GMPS: variants seen among roughly 807,000 people sequenced by gnomAD.
GMPS encodes guanosine monophosphate synthase, also known as GMP synthase [glutamine-hydrolyzing].
A neutral mutation model predicts 77.9 loss-of-function variants in GMPS; 15 were observed. The ratio of observed to expected loss-of-function variants is 0.19; its 90% CI spans 0.13 to 0.30. GMPS has a LOEUF of 0.30. Ranked by LOEUF, GMPS falls within the 10% of genes least tolerant of loss-of-function variation. GMPS has a pLI of 1.00. For synonymous variants in GMPS, 224 were observed against 275.9 expected, an observed-to-expected ratio of 0.81 and a Z score of 1.86; for missense variants, 590 against 838.8, an observed-to-expected ratio of 0.70 and a Z score of 3.66.
At position 155,939,946 on chromosome 3, in the gene GMPS, T is replaced by C. The variant is rs1399858967; in HGVS notation, c.*2254T>C. On this transcript the variant is annotated 3_prime_UTR_variant, in exon 16 of 16. Coordinates refer to ENST00000496455, the MANE Select transcript of GMPS (RefSeq NM_003875.3). The stretch of plus-strand genomic sequence containing the variant: ...CCTTAGGCATGGTTACTTAATTAAT[T>C]TCAGAATTAAATTTCAGGTTTCCTT... 4.9e-6 allele frequency: 1 copy of C among 202,324 alleles called. No individual in the cohort carries two copies. Among genetic ancestry groups the C allele is most frequent in the African/African-American group, 2.3e-5 (1 of 43,682 alleles). The allele number at this position is 202,324 out of a possible 1,614,324, so 12.5% of individuals were successfully genotyped here.
chr3:155,886,810 G>C (rs913535282), intron 1 of GMPS, among the ~76,000 whole-genome samples: 1 of 151,818 alleles, frequency 6.6e-6, no homozygotes, highest in African/African-American at 2.4e-5. Flanking sequence ...CCGGCCTCCT[G>C]ATGACTTAGC....
chr3:155,882,629 A>T (rs1238160623), intron 1 of GMPS, among the ~76,000 whole-genome samples: 2 of 152,256 alleles, frequency 1.3e-5, no homozygotes, highest in Non-Finnish European at 2.9e-5. Flanking sequence ...ATTTCTAGAC[A>T]AATGAAAATT....
intron 1 of GMPS, among the ~76,000 whole-genome samples, chr3:155,877,602 A>G (rs1051490762): frequency 7.2e-5 from 11 of 152,076 alleles, no homozygotes; most frequent in Admixed American, 5.9e-4. Context: ...CTGTCTGTAG[A>G]TTTGCCAATT....
In GMPS at chr3:155,938,084, T is replaced by TA; in HGVS notation, c.*393dup. ...AGAAACGCCCATTATTTACCAGTGT[T>TA]ACTTACTACTTATATATACTTTTTG... On this transcript the variant is annotated 3_prime_UTR_variant, in exon 16 of 16. Coordinates refer to ENST00000496455, the MANE Select transcript of GMPS (RefSeq NM_003875.3). 1 of 238,160 alleles carries TA rather than the reference T, an allele frequency of 4.2e-6. No homozygotes were observed. Among genetic ancestry groups the TA allele is most frequent in the Non-Finnish European group, 8.2e-6 (1 of 121,224 alleles). 14.8% of individuals were successfully genotyped at this position (238,160 alleles called of 1,614,324 possible). A position where few individuals can be genotyped will look rare whatever the true frequency, so the allele number is the denominator to read the frequency against.
chr3:155,900,802 T>C (rs905085844), intron 3 of GMPS, among the ~76,000 whole-genome samples: 1 of 152,154 alleles, frequency 6.6e-6, no homozygotes, highest in African/African-American at 2.4e-5. Flanking sequence ...AATTTGTCCT[T>C]CCATAAAATA....
intron 9 of GMPS, among the ~76,000 whole-genome samples, chr3:155,916,717 C>T (rs1393617796): frequency 6.6e-6 from 1 of 152,136 alleles, no homozygotes; most frequent in African/African-American, 2.4e-5. Flanking sequence ...ATAAGTAATG[C>T]CGCCATGAAT....
chr3:155,902,934 C>T (rs747636659), intron 3 of GMPS, among the ~76,000 whole-genome samples: 7 of 152,082 alleles, frequency 4.6e-5, no homozygotes, highest in Non-Finnish European at 8.8e-5. Flanking sequence ...GAGTTCAAAC[C>T]TTTATTGTGG....
Position 155,903,487 on chromosome 3 carries a change from C to T in GMPS, c.325-376C>T, listed in dbSNP as rs143329595. Among the ~76,000 whole-genome samples the T allele has an allele frequency of 5.7e-3, 871 of 152,300 alleles. 13 individuals carry two copies. Among genetic ancestry groups the T allele is most frequent in the African/African-American group, 0.02 (815 of 41,564 alleles). ...TCTGGTACAAGGTTCTTGTTGTCTG[C>T]TGTATCTTTTTCTAAACTCAGAATA... On this transcript the variant is annotated intron_variant, in intron 3 of 15. Coordinates refer to ENST00000496455, the MANE Select transcript of GMPS (RefSeq NM_003875.3).
intron 8 of GMPS, among the ~76,000 whole-genome samples, chr3:155,914,918 A>G (rs1577523442): frequency 6.6e-6 from 1 of 151,830 alleles, no homozygotes; most frequent in Admixed American, 6.6e-5. Context: ...ACAGGGGTGC[A>G]CCATCATGCC....
chr3:155,870,246 G>C (rs1471187436), upstream of GMPS, among the ~76,000 whole-genome samples: 2 of 152,272 alleles, frequency 1.3e-5, no homozygotes, highest in Non-Finnish European at 2.9e-5. Context: ...GTTCCGCCAG[G>C]GGCCCAGCTC....
rs1010600494 is a variant in GMPS at position 155,941,267 on chromosome 3, G to A, written c.*3575G>A. Reference sequence around the variant, plus strand: ...AAAATACAACAAATTAGCTGGGCGCGGTGGCGGGTGCCTGTAGTCCCAGCT... The same window carrying A: ...AAAATACAACAAATTAGCTGGGCGCAGTGGCGGGTGCCTGTAGTCCCAGCT... On this transcript the variant is annotated 3_prime_UTR_variant, in exon 16 of 16. Transcript: ENST00000496455. 7.9e-5 allele frequency: 14 copies of A among 176,398 alleles called. No homozygotes were observed. The highest frequency in any genetic ancestry group is 4.4e-4 in the Admixed American group (7 of 15,742). 10.9% of individuals were successfully genotyped at this position (176,398 alleles called of 1,614,324 possible).
intron 1 of GMPS, among the ~76,000 whole-genome samples, chr3:155,884,672 T>A (rs73873440): frequency 0.02 from 3,118 of 152,224 alleles, 130 homozygotes; most frequent in African/African-American, 0.071. Context: ...TAATAGAGAA[T>A]TGTTCTATTT....
intron 6 of GMPS, 28 bp downstream of exon 6, chr3:155,910,913 C>T (rs755498486): frequency 7.0e-7 from 1 of 1,422,412 alleles, no homozygotes; most frequent in East Asian, 2.3e-5. Flanking sequence ...TGGAAGTCTA[C>T]AAATTTATAT....
chr3:155,937,739 A>T lies in GMPS; in HGVS notation c.*47A>T, dbSNP rs1755795935. On this transcript the variant is annotated 3_prime_UTR_variant, in exon 16 of 16. Coordinates refer to ENST00000496455, the MANE Select transcript of GMPS (RefSeq NM_003875.3). ...GTACCGTGTGCAGTTTAAATTGATT[A>T]GAAATCATTCCCATTATTGACATGC... The T allele has an allele frequency of 1.2e-6, 1 of 850,554 alleles. No individual in the cohort carries two copies. The highest frequency in any genetic ancestry group is 2.0e-6 in the Non-Finnish European group (1 of 495,356). 52.7% of individuals were successfully genotyped at this position (850,554 alleles called of 1,614,324 possible).
chr3:155,915,379 A>T (rs2108111540), intron 8 of GMPS, among the ~76,000 whole-genome samples: 1 of 151,956 alleles, frequency 6.6e-6, no homozygotes, highest in East Asian at 1.9e-4. Context: ...CTGGGATTAC[A>T]GGCATGCACC....
chr3:155,891,604 C>CTTTTTTTT (rs35759331), intron 1 of GMPS, among the ~76,000 whole-genome samples: 1 of 127,872 alleles, frequency 7.8e-6, no homozygotes, highest in Non-Finnish European at 1.6e-5. Context: ...TTGTTTGTTA[C>CTTTTTTTT]TTTTTTTTTT....
At chr3:155,874,242 T>C (rs1368660421) in intron 1 of GMPS, among the ~76,000 whole-genome samples, 36 of 152,232 alleles carry the variant, frequency 2.4e-4, no homozygotes, top group Admixed American at 2.3e-3. Context: ...TTCCCCTGTC[T>C]AAGGGTGAAA....
chr3:155,942,972 T>G lies in GMPS; in HGVS notation c.*5280T>G, dbSNP rs1755928428. 1 of 184,276 alleles carries G rather than the reference T, an allele frequency of 5.4e-6. No homozygotes were observed. The highest frequency in any genetic ancestry group is 6.2e-5 in the Admixed American group (1 of 16,028). 11.4% of individuals were successfully genotyped at this position (184,276 alleles called of 1,614,324 possible). A position where few individuals can be genotyped will look rare whatever the true frequency, so the allele number is the denominator to read the frequency against. ...GTGACCAGGCACAGTGGCGCATGCC[T>G]GTAATCCCAGCACTTTGGGAGGCCG... is the stretch of plus-strand genomic sequence containing the variant. On this transcript the variant is annotated 3_prime_UTR_variant, in exon 16 of 16. Transcript: ENST00000496455.
At chr3:155,920,383 G>T (rs1553787485) in intron 10 of GMPS, among the ~76,000 whole-genome samples, 1 of 151,938 alleles carries the variant, frequency 6.6e-6, no homozygotes, top group Non-Finnish European at 1.5e-5. Flanking sequence ...GACCGGTGTG[G>T]TGGCTCATGC....
Sources: gnomAD v4.1 joint callset for allele counts (sites outside exome capture counted in the v4.1 genomes callset) on GRCh38, gnomAD v4.1.1 for gene constraint, MANE v1.5 for transcripts, NCBI Gene and HGNC (gene_info 2026-07-23, HGNC 2026-07-21) for gene names.